AMN: variants seen among roughly 807,000 people sequenced by gnomAD.
AMN encodes the protein protein amnionless.
AMN carries 40 observed loss-of-function variants against 49.1 expected under a neutral mutation model. The observed-to-expected ratio is 0.81, with a 90% CI of 0.63 to 1.06. The LOEUF is 1.06. AMN is among the 50% of genes least tolerant of loss of function. The pLI is 0.00. For synonymous variants in AMN, 380 were observed against 313.3 expected, an observed-to-expected ratio of 1.21 and a Z score of -2.25; for missense variants, 701 against 662.8, an observed-to-expected ratio of 1.06 and a Z score of -0.63.
Position 102,922,751 on chromosome 14 carries a change from G to T in AMN, c.43+20G>T. ...TCTGCGGTGAGCCGGGACCACACCG[G>T]TGCGGGCCCGGACGGTAGCGGTCTG... On this transcript the variant is annotated intron_variant, in intron 1 of 11. Coordinates refer to ENST00000299155, the MANE Select transcript of AMN (RefSeq NM_030943.4). 1 of 1,574,170 alleles carries T rather than the reference G, an allele frequency of 6.4e-7. No individual in the cohort carries two copies.
intron 1 of AMN, chr14:102,923,483 T>A (rs980535061): frequency 1.8e-6 from 1 of 552,112 alleles, no homozygotes; most frequent in African/African-American, 1.9e-5. Context: ...AGGGCGCGTT[T>A]GAGCGGGCTC....
intron 8 of AMN, 70 bp downstream of exon 8, chr14:102,929,807 C>T: frequency 1.3e-6 from 2 of 1,543,598 alleles, no homozygotes; most frequent in Non-Finnish European, 1.8e-6. Context: ...TAGGACGCCC[C>T]TTCTGCAGGG....
chr14:102,924,105 C>A, intron 3 of AMN, 126 bp downstream of exon 3: 1 of 1,382,984 alleles, frequency 7.2e-7, no homozygotes, highest in African/African-American at 1.4e-5. Flanking sequence ...GGGACTTTGG[C>A]CTCTGGAGAA....
Position 102,930,175 on chromosome 14 carries a change from C to T in AMN, c.1017C>T (p.Leu339=), listed in dbSNP as rs1230984626. Residue 339 remains leucine, a synonymous_variant, in exon 10 of 12, where the codon CTC becomes CTT. Coordinates refer to ENST00000299155, the MANE Select transcript of AMN (RefSeq NM_030943.4). ...LADVAENGEA[L]GVLEATMRES... ...GCCCCTCCGTCGCAGGCGAGGCCCT[C>T]GGCGTCCTGGAGGCGACCATGCGGG... The T allele has an allele frequency of 6.7e-7, 1 of 1,487,292 alleles. No homozygotes were observed. Among genetic ancestry groups the T allele is most frequent in the Admixed American group, 2.2e-5 (1 of 44,800 alleles). 92.1% of individuals were successfully genotyped at this position (1,487,292 alleles called of 1,614,324 possible).
rs1463405933 is a variant in AMN, at chr14:102,930,561, C to T, written c.1258-15C>T. On this transcript the variant is annotated splice_polypyrimidine_tract_variant and intron_variant, in intron 11 of 11. Coordinates refer to ENST00000299155, the MANE Select transcript of AMN (RefSeq NM_030943.4). ...GACTCGGCGCCGACCGCCGCCTGAC[C>T]CTGTCACCCCGCAGCCCCTGCCGCG... 5 of 1,561,530 alleles carry T rather than the reference C, an allele frequency of 3.2e-6. No individual in the cohort carries two copies. The highest frequency in any genetic ancestry group is 1.9e-5 in the Admixed American group (1 of 52,764).
chr14:102,922,758 C>G, intron 1 of AMN, 27 bp downstream of exon 1: 1 of 1,569,122 alleles, frequency 6.4e-7, no homozygotes, highest in Non-Finnish European at 8.6e-7. Context: ...CCGGTGCGGG[C>G]CCGGACGGTA....
chr14:102,930,460 C>A lies in AMN; in HGVS notation c.1224C>A (p.Asn408Lys). 1 of 1,530,242 alleles carries A rather than the reference C, an allele frequency of 6.5e-7. No individual in the cohort carries two copies. 94.8% of individuals were successfully genotyped at this position (1,530,242 alleles called of 1,614,324 possible). A position where few individuals can be genotyped will look rare whatever the true frequency, so the allele number is the denominator to read the frequency against. The change falls in exon 11 of 12, where the codon AAC becomes AAA. Residue 408 changes from asparagine to lysine, a missense_variant. By Grantham distance (94) the Asn-to-Lys change is moderately conservative. Coordinates refer to ENST00000299155, the MANE Select transcript of AMN (RefSeq NM_030943.4). Reference protein sequence around the residue: ...APAGAPLGFRNPVFDVTASEE... With the variant: ...APAGAPLGFRKPVFDVTASEE... ...CTGGAGCGCCCCTCGGCTTCCGCAACCCGGTGTTCGACGTGACGGCCTCCG... is the reference window on the plus strand; with the variant it reads ...CTGGAGCGCCCCTCGGCTTCCGCAAACCGGTGTTCGACGTGACGGCCTCCG...
chr14:102,922,771 G>A (rs1022657715), intron 1 of AMN, 40 bp downstream of exon 1: 5 of 1,558,894 alleles, frequency 3.2e-6, no homozygotes, highest in Admixed American at 1.9e-5. Flanking sequence ...GGACGGTAGC[G>A]GTCTGTCAGG....
In AMN at chr14:102,930,257, G is replaced by A. The variant is rs1254238315; in HGVS notation, c.1099G>A (p.Ala367Thr). The change falls in exon 10 of 12, where the codon GCT (alanine) becomes ACT (threonine). Residue 367 changes from alanine to threonine, a missense_variant. Physicochemically the swap from Ala to Thr is moderately conservative, Grantham distance 58. Coordinates refer to ENST00000299155, the MANE Select transcript of AMN (RefSeq NM_030943.4). ...SAAGLAGGVA[A>T]AVLLALLVLL... is the part of the protein sequence containing the mutation. ...GGCTGGGCTGGCGGGCGGCGTGGCG[G>A]CTGCCGTGCTGCTGGCGCTGCTGGT... 7.3e-6 allele frequency: 10 copies of A among 1,377,922 alleles called. No individual in the cohort carries two copies. In the South Asian group the frequency reaches 1.4e-4, roughly 19 times the overall value. 85.4% of individuals were successfully genotyped at this position (1,377,922 alleles called of 1,614,324 possible).
chr14:102,927,131 T>G (rs928516655), intron 3 of AMN, among the ~76,000 whole-genome samples: 3 of 152,152 alleles, frequency 2.0e-5, no homozygotes, highest in African/African-American at 7.2e-5. Flanking sequence ...TGGGCTCGAG[T>G]GATATGCCCG....
chr14:102,929,445 C>G lies in AMN; in HGVS notation c.669C>G (p.Cys223Trp). The part of the protein sequence containing the change: ...CGNAEAQPWI[C>W]AALLQPLGGR... ...CGCACCAGGCGCAGCCGTGGATCTGCGCGGCCCTGCTCCAGCCCCTGGGCG... is the reference window on the plus strand; with the variant it reads ...CGCACCAGGCGCAGCCGTGGATCTGGGCGGCCCTGCTCCAGCCCCTGGGCG... Residue 223 changes from cysteine (C) to tryptophan (W), a missense_variant, in exon 7 of 12, where the codon TGC (cysteine) becomes TGG (tryptophan). Coordinates refer to ENST00000299155, the MANE Select transcript of AMN (RefSeq NM_030943.4). 4 of 1,531,508 alleles carry G rather than the reference C, an allele frequency of 2.6e-6. No individual in the cohort carries two copies. The highest frequency in any genetic ancestry group is 3.5e-6 in the Non-Finnish European group (4 of 1,145,536). 94.9% of individuals were successfully genotyped at this position (1,531,508 alleles called of 1,614,324 possible). A position where few individuals can be genotyped will look rare whatever the true frequency, so the allele number is the denominator to read the frequency against.
rs1566829308 is a variant in AMN, at chr14:102,930,265, GCTGCTGGCGCTGCTGGTC to G, written c.1115_1132del (p.Ala372_Leu377del). The stretch of plus-strand genomic sequence containing the variant: ...TGGCGGGCGGCGTGGCGGCTGCCGT[GCTGCTGGCGCTGCTGGTC>G]CTGCTGGTGGCGCCGCCGCTGCTGC... On this transcript the variant is annotated inframe_deletion, in exon 10 of 12. Coordinates refer to ENST00000299155, the MANE Select transcript of AMN (RefSeq NM_030943.4). 7.2e-7 allele frequency: 1 copy of G among 1,380,674 alleles called. No homozygotes were observed. The highest frequency in any genetic ancestry group is 9.3e-7 in the Non-Finnish European group (1 of 1,070,510). 85.5% of individuals were successfully genotyped at this position (1,380,674 alleles called of 1,614,324 possible).
Position 102,930,304 on chromosome 14 carries a change from G to A in AMN, c.1146G>A (p.Leu382=). Residue 382 remains leucine, a synonymous_variant, in exon 10 of 12, where the codon CTG becomes CTA. Coordinates refer to ENST00000299155, the MANE Select transcript of AMN (RefSeq NM_030943.4). ...TGGTCCTGCTGGTGGCGCCGCCGCT[G>A]CTGCGCCGCGCGGGGAGGCTCAGGT... The part of the protein sequence containing the change: ...ALLVLLVAPP[L]LRRAGRLRWR... The A allele has an allele frequency of 7.3e-7, 1 of 1,375,838 alleles. No individual in the cohort carries two copies. The highest frequency in any genetic ancestry group is 1.5e-5 in the African/African-American group (1 of 65,564). 85.2% of individuals were successfully genotyped at this position (1,375,838 alleles called of 1,614,324 possible).
chr14:102,930,656 C>A lies in AMN; in HGVS notation c.1338C>A (p.Phe446Leu). The change falls in exon 12 of 12, where the codon TTC becomes TTA. Residue 446 changes from phenylalanine to leucine, a missense_variant. Coordinates refer to ENST00000299155, the MANE Select transcript of AMN (RefSeq NM_030943.4). ...TSHSYFVNPLFAGAEAEA is the reference protein window; with the variant it reads ...TSHSYFVNPLLAGAEAEA ...ACAGTTACTTCGTCAACCCTCTGTT[C>A]GCCGGGGCCGAGGCCGAGGCCTGAG... is the stretch of plus-strand genomic sequence containing the variant. The A allele has an allele frequency of 6.3e-7, 1 of 1,595,850 alleles. No homozygotes were observed. The highest frequency in any genetic ancestry group is 1.1e-5 in the South Asian group (1 of 88,356).
Position 102,930,400 on chromosome 14 carries a change from C to T in AMN, c.1170-6C>T, listed in dbSNP as rs386834164. 2,691 of 1,515,198 alleles carry T rather than the reference C, an allele frequency of 1.8e-3. 17 individuals carry two copies. Among genetic ancestry groups the T allele is most frequent in the Middle Eastern group, 1.6e-3 (7 of 4,382 alleles). The allele number at this position is 1,515,198 out of a possible 1,614,324, so 93.9% of individuals were successfully genotyped here. A position where few individuals can be genotyped will look rare whatever the true frequency, so the allele number is the denominator to read the frequency against. ...GGCTCACGCTGCGTCCCCGCTACGC[C>T]CTCAGGTGGAGGAGGCACGAGGCGG... On this transcript the variant is annotated splice_region_variant and splice_polypyrimidine_tract_variant and intron_variant, in intron 10 of 11. Coordinates refer to ENST00000299155, the MANE Select transcript of AMN (RefSeq NM_030943.4).
chr14:102,929,824 C>T, intron 8 of AMN, 87 bp downstream of exon 8: 3 of 1,541,672 alleles, frequency 1.9e-6, no homozygotes, highest in South Asian at 1.2e-5. Flanking sequence ...AGGGTCCCTG[C>T]GGCTGCTCAC....
chr14:102,930,762 G>A lies in AMN; in HGVS notation c.*82G>A, dbSNP rs898686382. ...TGGGGGCTAGCCACCTCCTCGTCCA[G>A]CCCCCAAACCTCCCCTTCCTTTCCC... On this transcript the variant is annotated 3_prime_UTR_variant, in exon 12 of 12. Coordinates refer to ENST00000299155, the MANE Select transcript of AMN (RefSeq NM_030943.4). 5 of 1,431,840 alleles carry A rather than the reference G, an allele frequency of 3.5e-6. No homozygotes were observed. The African/African-American group carries it at 7.1e-5, about 20-fold the overall frequency. 88.7% of individuals were successfully genotyped at this position (1,431,840 alleles called of 1,614,324 possible). A position where few individuals can be genotyped will look rare whatever the true frequency, so the allele number is the denominator to read the frequency against.
At chr14:102,929,893 T>C in intron 8 of AMN, 31 bp from the exon 9 acceptor site, 1 of 1,550,096 alleles carries the variant, frequency 6.5e-7, no homozygotes, top group African/African-American at 1.4e-5. Context: ...GGCGGGGGGC[T>C]GAGTCAAACC....
intron 1 of AMN, 198 bp downstream of exon 1, chr14:102,922,929 CG>C: frequency 1.4e-6 from 1 of 731,808 alleles, no homozygotes; most frequent in South Asian, 2.0e-5. Context: ...GCCAGTGCAT[CG>C]GGCGGTGCGG....
Sources: allele counts gnomAD v4.1 joint callset (sites outside exome capture counted in the v4.1 genomes callset), GRCh38; gene constraint gnomAD v4.1.1; transcripts MANE v1.5; gene names NCBI Gene and HGNC (gene_info 2026-07-23, HGNC 2026-07-21).